Variants in CRHR1 observed in about 807,000 individuals in gnomAD.
CRHR1 encodes the protein corticotropin-releasing hormone receptor 1.
A neutral mutation model predicts 56.0 loss-of-function variants in CRHR1; 28 were observed. The observed-to-expected ratio is 0.50, with a 90% confidence interval of 0.37 to 0.69. The LOEUF (loss-of-function observed/expected upper bound fraction) is 0.69. Ranked by LOEUF, CRHR1 falls within the 30% of genes least tolerant of loss-of-function variation. CRHR1 has a pLI of 0.00. For missense variants in CRHR1, 376 were observed against 548.0 expected, an observed-to-expected ratio of 0.69 and a Z score of 3.13; for synonymous variants, 195 against 216.5, an observed-to-expected ratio of 0.90 and a Z score of 0.87.
At chr17:45,823,469 G>A (rs1288069953) in intron 4 of CRHR1, among the ~76,000 whole-genome samples, 4 of 146,778 alleles carry the variant, frequency 2.7e-5, no homozygotes, top group East Asian at 4.2e-4. Context: ...GTGCTGTGGC[G>A]CGATGTCGGC....
intron 3 of CRHR1, among the ~76,000 whole-genome samples, chr17:45,818,523 C>A (rs2061973495): frequency 6.6e-6 from 1 of 152,162 alleles, no homozygotes; most frequent in Admixed American, 6.5e-5. Context: ...TCTACACCTG[C>A]AGAATGGGTG....
intron 1 of CRHR1, among the ~76,000 whole-genome samples, chr17:45,795,658 G>A (rs748189317): frequency 2.0e-5 from 3 of 152,112 alleles, no homozygotes; most frequent in African/African-American, 4.8e-5. Context: ...TCACTGGAAC[G>A]CATTTAAAAA....
chr17:45,830,273 C>G (rs16940662), intron 6 of CRHR1, 59 bp downstream of exon 6: 1 of 1,520,296 alleles, frequency 6.6e-7, no homozygotes, highest in Non-Finnish European at 9.1e-7. Context: ...AGAGGAGGGG[C>G]CCGCCTGCCC....
chr17:45,822,401 G>T (rs968750924), intron 4 of CRHR1, among the ~76,000 whole-genome samples: 2 of 152,148 alleles, frequency 1.3e-5, no homozygotes, highest in Non-Finnish European at 2.9e-5. Context: ...TTTCCCACCC[G>T]ACGCTTTCTC....
intron 1 of CRHR1, among the ~76,000 whole-genome samples, chr17:45,801,045 C>T (rs1224368421): frequency 6.6e-6 from 1 of 152,202 alleles, no homozygotes; most frequent in Admixed American, 6.5e-5. Context: ...TGTGATTAAC[C>T]TTTGTACCAA....
chr17:45,827,457 A>G (rs562179896), intron 4 of CRHR1, among the ~76,000 whole-genome samples: 2 of 152,236 alleles, frequency 1.3e-5, no homozygotes, highest in African/African-American at 2.4e-5. Context: ...CCAGCTCCAG[A>G]CAGCCTGTGA....
chr17:45,790,257 A>G (rs1017957619), intron 1 of CRHR1, among the ~76,000 whole-genome samples: 6 of 152,224 alleles, frequency 3.9e-5, no homozygotes, highest in Admixed American at 2.0e-4. Flanking sequence ...CACTGATGCA[A>G]ACAATCATTT....
chr17:45,802,607 C>T (rs2061643979), intron 1 of CRHR1, among the ~76,000 whole-genome samples: 1 of 152,212 alleles, frequency 6.6e-6, no homozygotes, highest in South Asian at 2.1e-4. Context: ...GGCACAGATT[C>T]TGCTACAGAG....
chr17:45,809,293 A>G (rs183544931), intron 2 of CRHR1, among the ~76,000 whole-genome samples: 201 of 152,282 alleles, frequency 1.3e-3, no homozygotes, highest in East Asian at 5.8e-4. Context: ...TAAGTTCTTG[A>G]GCATGAGTCT....
chr17:45,810,156 G>A (rs1468163217), intron 2 of CRHR1, among the ~76,000 whole-genome samples: 1 of 151,988 alleles, frequency 6.6e-6, no homozygotes, highest in Non-Finnish European at 1.5e-5. Flanking sequence ...TTGGTGGTGG[G>A]CGCCTATAAT....
At chr17:45,793,324 G>T (rs532237133) in intron 1 of CRHR1, among the ~76,000 whole-genome samples, 1 of 152,256 alleles carries the variant, frequency 6.6e-6, no homozygotes, top group Non-Finnish European at 1.5e-5. Flanking sequence ...GATGTTGCTA[G>T]AGGGAATTGT....
chr17:45,786,878 C>T (rs569441422), intron 1 of CRHR1, among the ~76,000 whole-genome samples: 3 of 152,070 alleles, frequency 2.0e-5, no homozygotes, highest in South Asian at 4.2e-4. Flanking sequence ...TGGGCTCAAG[C>T]GATCAGCCAG....
rs113795480 is a variant in CRHR1, at chr17:45,834,564, G to A, written c.1108-60G>A. The A allele has an allele frequency of 2.6e-5, 41 of 1,547,712 alleles. No individual in the cohort carries two copies. In the African/African-American group the frequency reaches 3.5e-4, roughly 13 times the overall value. Reference sequence around the variant, plus strand: ...CTGCACAGCTGCTCGTGGCGGCCCAGGGGAGGGAGGGGGTCCTGAGCCACA... The same window carrying A: ...CTGCACAGCTGCTCGTGGCGGCCCAAGGGAGGGAGGGGGTCCTGAGCCACA... On this transcript the variant is annotated intron_variant, in intron 12 of 12. Coordinates refer to ENST00000314537, the MANE Select transcript of CRHR1 (RefSeq NM_004382.5).
intron 1 of CRHR1, among the ~76,000 whole-genome samples, chr17:45,792,370 G>C (rs2061441925): frequency 6.6e-6 from 1 of 152,052 alleles, no homozygotes; most frequent in East Asian, 1.9e-4. Context: ...CATTTACTGA[G>C]CTGCTGTTGC....
chr17:45,824,254 A>C (rs1191194264), intron 4 of CRHR1, among the ~76,000 whole-genome samples: 2 of 152,202 alleles, frequency 1.3e-5, no homozygotes, highest in Non-Finnish European at 2.9e-5. Flanking sequence ...GCTGGTGCTC[A>C]GAGGAGCGGG....
chr17:45,820,006 A>C (rs1346583895), intron 3 of CRHR1, among the ~76,000 whole-genome samples: 2 of 152,116 alleles, frequency 1.3e-5, no homozygotes, highest in Non-Finnish European at 2.9e-5. Flanking sequence ...GGGTCCCCAG[A>C]GGTCAGTCAT....
At chr17:45,823,450 C>T (rs1322785882) in intron 4 of CRHR1, among the ~76,000 whole-genome samples, 1 of 147,068 alleles carries the variant, frequency 6.8e-6, no homozygotes, top group Non-Finnish European at 1.5e-5. Flanking sequence ...CCTCTGTCGC[C>T]AGGCTGGAGT....
intron 2 of CRHR1, among the ~76,000 whole-genome samples, chr17:45,812,315 A>G (rs1222844877): frequency 6.6e-6 from 1 of 152,228 alleles, no homozygotes; most frequent in East Asian, 1.9e-4. Flanking sequence ...TCCTTAATTT[A>G]CCAGGAGAGG....
intron 8 of CRHR1, among the ~76,000 whole-genome samples, chr17:45,831,656 G>T (rs62054762): frequency 0.14 from 21,810 of 152,240 alleles, 2,132 homozygotes; most frequent in Middle Eastern, 0.22. Context: ...GCACCCAGAA[G>T]TCTTGAAAAC....
Sources: allele counts gnomAD v4.1 joint callset (sites outside exome capture counted in the v4.1 genomes callset), GRCh38; gene constraint gnomAD v4.1.1; transcripts MANE v1.5; gene names NCBI Gene and HGNC (gene_info 2026-07-23, HGNC 2026-07-21).